Variants in ZNF789 observed in about 807,000 individuals in gnomAD.
The protein encoded by ZNF789 is zinc finger protein 789.
Under a neutral mutation model 15.6 loss-of-function variants are expected in ZNF789, and 11 were observed. The observed-to-expected ratio is 0.70, with a 90% CI of 0.44 to 1.16. The LOEUF is 1.16. Among genes scored for constraint, ZNF789 ranks in the 50% most tolerant of loss-of-function variants. The pLI is 0.00. For missense variants in ZNF789, 461 were observed against 512.6 expected (o/e 0.90, Z 0.97); for synonymous variants, 159 against 176.0 (o/e 0.90, Z 0.76).
Position 99,487,292 on chromosome 7 carries a change from G to T in ZNF789, c.1082G>T (p.Arg361Ile), listed in dbSNP as rs1224975527. ...AATGTGGATCTCATTCAGCATCAAAGAATCCATACAAAGGAGGAATTCTTT... is the reference window on the plus strand; with the variant it reads ...AATGTGGATCTCATTCAGCATCAAATAATCCATACAAAGGAGGAATTCTTT... ...GRNVDLIQHQ[R>I]IHTKEEFFQC... The change falls in exon 5 of 5, where the codon AGA becomes ATA. Residue 361 changes from arginine to isoleucine, a missense_variant. Physicochemically the swap from Arg to Ile is moderately conservative, Grantham distance 97 (BLOSUM62 -3). Transcript: ENST00000331410. 1.2e-6 allele frequency: 2 copies of T among 1,614,186 alleles called. No individual in the cohort carries two copies. Among genetic ancestry groups the T allele is most frequent in the South Asian group, 1.1e-5 (1 of 91,082 alleles).
chr7:99,476,516 G>A lies in ZNF789; in HGVS notation c.24+36G>A, dbSNP rs368930673. On this transcript the variant is annotated intron_variant, in intron 2 of 4. Transcript: ENST00000331410. ...CCTCCCCCTCTGCTTCATCAGCATAGTCACTGCCACCAGCAGCTCCTTCCT... is the reference window on the plus strand; with the variant it reads ...CCTCCCCCTCTGCTTCATCAGCATAATCACTGCCACCAGCAGCTCCTTCCT... The A allele has an allele frequency of 8.8e-5, 142 of 1,608,496 alleles. No individual in the cohort carries two copies. In the African/African-American group the frequency reaches 1.3e-3, roughly 15 times the overall value.
At chr7:99,476,570 G>T in intron 2 of ZNF789, 90 bp downstream of exon 2, 2 of 1,541,278 alleles carry the variant, frequency 1.3e-6, no homozygotes, top group Non-Finnish European at 1.8e-6. Flanking sequence ...TCAATGTGGG[G>T]AGTTTTCCTT....
At position 99,487,535 on chromosome 7, in the gene ZNF789, T is replaced by C; in HGVS notation, c.*47T>C. Reference sequence around the variant, plus strand: ...TGGAGAACTAGAACTTATAAACCTCTACTTCAAGTGTGTATCACGTAATTG... The same window carrying C: ...TGGAGAACTAGAACTTATAAACCTCCACTTCAAGTGTGTATCACGTAATTG... On this transcript the variant is annotated 3_prime_UTR_variant, in exon 5 of 5. Transcript: ENST00000331410. 2.6e-6 allele frequency: 4 copies of C among 1,554,726 alleles called. No homozygotes were observed. The highest frequency in any genetic ancestry group is 2.6e-6 in the Non-Finnish European group (3 of 1,149,620).
intron 3 of ZNF789, chr7:99,482,271 G>A: frequency 1.3e-6 from 1 of 778,272 alleles, no homozygotes; most frequent in Non-Finnish European, 2.4e-6. Flanking sequence ...AATGACCACA[G>A]CCAAAGGTAT....
rs1157859410 is a variant in ZNF789 at position 99,487,558 on chromosome 7, T to C, written c.*70T>C. On this transcript the variant is annotated 3_prime_UTR_variant, in exon 5 of 5. Coordinates refer to ENST00000331410, the MANE Select transcript of ZNF789 (RefSeq NM_213603.3). ...TCTACTTCAAGTGTGTATCACGTAA[T>C]TGTTTCCATGAAAAGCAATAAATGT... 6.6e-6 allele frequency: 10 copies of C among 1,509,066 alleles called. No individual in the cohort carries two copies. Among genetic ancestry groups the C allele is most frequent in the African/African-American group, 2.8e-5 (2 of 71,356 alleles). The allele number at this position is 1,509,066 out of a possible 1,614,324, so 93.5% of individuals were successfully genotyped here. A position where few individuals can be genotyped will look rare whatever the true frequency, so the allele number is the denominator to read the frequency against.
chr7:99,473,575 A>G (rs990034131), intron 1 of ZNF789, among the ~76,000 whole-genome samples: 1 of 152,164 alleles, frequency 6.6e-6, no homozygotes, highest in African/African-American at 2.4e-5. Context: ...ACGAGAAAAA[A>G]GCTTCTTTCC....
At chr7:99,478,189 G>A in intron 2 of ZNF789, 1 of 953,024 alleles carries the variant, frequency 1.0e-6, no homozygotes, top group Non-Finnish European at 1.4e-6. Context: ...AGAACCTATT[G>A]TGGATGTTAG....
At chr7:99,475,140 C>G (rs1799250938) in intron 1 of ZNF789, among the ~76,000 whole-genome samples, 1 of 152,198 alleles carries the variant, frequency 6.6e-6, no homozygotes, top group Non-Finnish European at 1.5e-5. Context: ...CGCCTGTAAT[C>G]CCAGCACTTT....
intron 2 of ZNF789, among the ~76,000 whole-genome samples, chr7:99,477,180 C>T (rs1799381605): frequency 6.6e-6 from 1 of 151,778 alleles, no homozygotes; most frequent in Non-Finnish European, 1.5e-5. Context: ...GTAGCTGGGA[C>T]TACAGGCGAG....
intron 3 of ZNF789, chr7:99,480,727 A>G (rs1336751821): frequency 6.6e-6 from 1 of 152,240 alleles, no homozygotes; most frequent in Non-Finnish European, 1.5e-5. Context: ...ATGATTTTCA[A>G]CCAACTTCAT....
intron 3 of ZNF789, among the ~76,000 whole-genome samples, chr7:99,483,240 A>G (rs1799741572): frequency 6.6e-6 from 1 of 152,158 alleles, no homozygotes; most frequent in South Asian, 2.1e-4. Flanking sequence ...TCAAAAATAA[A>G]TAAATAAATA....
At chr7:99,482,426 A>C in intron 3 of ZNF789, 3 of 586,244 alleles carry the variant, frequency 5.1e-6, no homozygotes, top group Non-Finnish European at 9.1e-6. Flanking sequence ...TCAGGTGTGG[A>C]ACTCTCCACT....
intron 2 of ZNF789, among the ~76,000 whole-genome samples, chr7:99,477,871 C>G (rs899994267): frequency 6.6e-6 from 1 of 152,122 alleles, no homozygotes; most frequent in Non-Finnish European, 1.5e-5. Context: ...TTGCTTGAAC[C>G]GAGGAGGTGG....
At chr7:99,476,537 T>A (rs1799343574) in intron 2 of ZNF789, 57 bp downstream of exon 2, 13 of 1,597,770 alleles carry the variant, frequency 8.1e-6, no homozygotes, top group Non-Finnish European at 1.0e-5. Flanking sequence ...CAGCAGCTCC[T>A]TCCTCAGACT....
At chr7:99,478,187 T>G in intron 2 of ZNF789, 1 of 916,608 alleles carries the variant, frequency 1.1e-6, no homozygotes, top group Non-Finnish European at 1.5e-6. Context: ...CAAGAACCTA[T>G]TGTGGATGTT....
intron 3 of ZNF789, among the ~76,000 whole-genome samples, chr7:99,482,751 G>A (rs995206549): frequency 6.6e-6 from 1 of 152,092 alleles, no homozygotes; most frequent in Non-Finnish European, 1.5e-5. Context: ...CTATTCCGGA[G>A]GCTGAGGCAG....
intron 1 of ZNF789, 90 bp from the exon 2 acceptor site, chr7:99,476,313 G>A (rs1227569557): frequency 3.8e-6 from 3 of 781,294 alleles, no homozygotes; most frequent in Non-Finnish European, 6.0e-6. Flanking sequence ...AGCTTTGTCT[G>A]TGTGCCCCGT....
intron 3 of ZNF789, chr7:99,480,035 AAC>A (rs1448931347): frequency 3.2e-5 from 15 of 473,438 alleles, no homozygotes; most frequent in Admixed American, 8.0e-5. Flanking sequence ...CTTCAGAAAT[AAC>A]AGTGTAGGCC....
At position 99,482,334 on chromosome 7, in the gene ZNF789, C is replaced by T. The variant is rs1238361767; in HGVS notation, c.152-1696C>T. 4 of 719,772 alleles carry T rather than the reference C, an allele frequency of 5.6e-6. No individual in the cohort carries two copies. The East Asian group carries it at 7.6e-5, about 14-fold the overall frequency. The allele number at this position is 719,772 out of a possible 1,614,324, so 44.6% of individuals were successfully genotyped here. A position where few individuals can be genotyped will look rare whatever the true frequency, so the allele number is the denominator to read the frequency against. ...CTGCCAGATATTTACAAAGATTGTG[C>T]CAATCTCTGTTTTTCCCTGGGGAAG... On this transcript the variant is annotated intron_variant, in intron 3 of 4. Transcript: ENST00000331410.
Sources: allele counts gnomAD v4.1 joint callset (sites outside exome capture counted in the v4.1 genomes callset), GRCh38; gene constraint gnomAD v4.1.1; transcripts MANE v1.5; gene names NCBI Gene and HGNC (gene_info 2026-07-23, HGNC 2026-07-21).